MYO1E: variants seen among roughly 807,000 people sequenced by gnomAD.
MYO1E encodes the protein unconventional myosin-Ie.
In MYO1E, 68 loss-of-function variants were observed where a neutral mutation model predicts 151.1. That is an observed-to-expected ratio of 0.45 (90% CI 0.37 to 0.55). The LOEUF is 0.55. MYO1E is among the 20% of genes least tolerant of loss of function. The pLI, the probability that MYO1E is intolerant of heterozygous loss-of-function variation, is 0.00. For missense variants in MYO1E, 1,363 were observed against 1,389.3 expected (o/e 0.98, Z 0.30); for synonymous variants, 601 against 501.7 (o/e 1.20, Z -2.64).
In MYO1E at chr15:59,372,738, G is replaced by A. The variant is rs565532409; in HGVS notation, c.-238C>T. ...TAGCAGGCGGGGCGCATGCTGCGGA[G>A]GGCAAGAGTCCACTCGTACTCGCCG... On this transcript the variant is annotated 5_prime_UTR_variant, in exon 1 of 28. Transcript: ENST00000288235. 1.2e-4 allele frequency: 70 copies of A among 568,242 alleles called. No individual in the cohort carries two copies. Among genetic ancestry groups the A allele is most frequent in the Middle Eastern group, 4.7e-4 (1 of 2,144 alleles). The allele number at this position is 568,242 out of a possible 1,614,324, so 35.2% of individuals were successfully genotyped here.
intron 4 of MYO1E, among the ~76,000 whole-genome samples, chr15:59,252,714 CAA>C (rs35229671): frequency 6.0e-5 from 7 of 117,204 alleles, no homozygotes; most frequent in Non-Finnish European, 3.6e-5. Flanking sequence ...GACTCTGTCT[CAA>C]AAAAAAAAAA....
intron 1 of MYO1E, among the ~76,000 whole-genome samples, chr15:59,328,203 T>C (rs1486095959): frequency 6.6e-6 from 1 of 152,236 alleles, no homozygotes; most frequent in Admixed American, 6.5e-5. Flanking sequence ...ATGTGGCCTT[T>C]GCTCAAACCA....
rs144534895 is a variant in MYO1E, at chr15:59,193,593, T to C, written c.1805+1868A>G. Among the ~76,000 whole-genome samples, 417 of 152,240 alleles carry C rather than the reference T, an allele frequency of 2.7e-3. 2 individuals carry two copies. The highest frequency in any genetic ancestry group is 9.5e-3 in the African/African-American group (393 of 41,544). On this transcript the variant is annotated intron_variant, in intron 17 of 27. Coordinates refer to ENST00000288235, the MANE Select transcript of MYO1E (RefSeq NM_004998.4). ...GACGGAACTGAGAGGGATTAACCTG[T>C]AGAAGAGAAGATTCAAGAGAAACAC... is the stretch of plus-strand genomic sequence containing the variant.
intron 18 of MYO1E, among the ~76,000 whole-genome samples, chr15:59,183,677 T>C (rs2079678487): frequency 6.6e-6 from 1 of 152,254 alleles, no homozygotes; most frequent in Non-Finnish European, 1.5e-5. Context: ...CTTTGTGTTA[T>C]ATGAAATCCA....
chr15:59,305,685 C>T (rs188099359), intron 1 of MYO1E, among the ~76,000 whole-genome samples: 11 of 152,178 alleles, frequency 7.2e-5, no homozygotes, highest in Non-Finnish European at 1.0e-4. Context: ...AGAGGCTGAC[C>T]TGTGGCAGCA....
intron 1 of MYO1E, among the ~76,000 whole-genome samples, chr15:59,323,210 A>G (rs2080639620): frequency 6.6e-6 from 1 of 151,090 alleles, no homozygotes; most frequent in Admixed American, 6.6e-5. Flanking sequence ...TGAAATATCA[A>G]TGGCAACCAA....
At chr15:59,210,178 A>G (rs2079870097) in intron 13 of MYO1E, among the ~76,000 whole-genome samples, 1 of 152,120 alleles carries the variant, frequency 6.6e-6, no homozygotes, top group Non-Finnish European at 1.5e-5. Flanking sequence ...TGAATCAGTC[A>G]TTAAGGCTAA....
At chr15:59,372,462 G>T (rs2080953139) in intron 1 of MYO1E, 36 bp downstream of exon 1, 1 of 1,537,366 alleles carries the variant, frequency 6.5e-7, no homozygotes, top group South Asian at 1.2e-5. Context: ...CCCGTCCCCG[G>T]GTCCGGCGTC....
intron 1 of MYO1E, among the ~76,000 whole-genome samples, chr15:59,308,691 T>C (rs1377011170): frequency 7.9e-6 from 1 of 127,388 alleles, no homozygotes; most frequent in African/African-American, 2.9e-5. Flanking sequence ...AAAAAAAAAT[T>C]AGCTGGGCAT....
In MYO1E at chr15:59,216,666, G is replaced by GTACATATA. The variant is rs1555411937; in HGVS notation, c.1107+1224_1107+1225insTATATGTA. Among the ~76,000 whole-genome samples, 3 of 30,884 alleles carry GTACATATA rather than the reference G, an allele frequency of 9.7e-5. No individual in the cohort carries two copies. The Admixed American group carries it at 1.0e-3, about 11-fold the overall frequency. 20.3% of individuals were successfully genotyped at this position (30,884 alleles called of 152,430 possible). On this transcript the variant is annotated intron_variant, in intron 10 of 27. Coordinates refer to ENST00000288235, the MANE Select transcript of MYO1E (RefSeq NM_004998.4). ...CCAGTGTGTGTGTGTGTGTGTATGT[G>GTACATATA]TATATATATATATATATATACACAT...
chr15:59,323,775 T>C (rs1013374232), intron 1 of MYO1E, among the ~76,000 whole-genome samples: 1 of 151,924 alleles, frequency 6.6e-6, no homozygotes, highest in African/African-American at 2.4e-5. Context: ...GAGGAGGACC[T>C]GGAAGTTAAG....
At chr15:59,187,444 T>C (rs1256482612) in intron 18 of MYO1E, among the ~76,000 whole-genome samples, 1 of 152,160 alleles carries the variant, frequency 6.6e-6, no homozygotes, top group Non-Finnish European at 1.5e-5. Flanking sequence ...TTGGCAAGGA[T>C]TTAGATAAAT....
intron 1 of MYO1E, among the ~76,000 whole-genome samples, chr15:59,336,883 G>A (rs767663284): frequency 2.2e-4 from 33 of 151,968 alleles, no homozygotes; most frequent in Non-Finnish European, 4.1e-4. Context: ...TGAGAATGAC[G>A]GTTTCCAGCT....
At chr15:59,343,484 G>T (rs2080777044) in intron 1 of MYO1E, among the ~76,000 whole-genome samples, 1 of 152,008 alleles carries the variant, frequency 6.6e-6, no homozygotes, top group African/African-American at 2.4e-5. Context: ...ATGCCTTGAG[G>T]TAATTTCCTT....
chr15:59,249,194 C>T (rs555616782), intron 4 of MYO1E, among the ~76,000 whole-genome samples: 5 of 152,184 alleles, frequency 3.3e-5, no homozygotes, highest in South Asian at 4.2e-4. Flanking sequence ...GAGGCTGAGG[C>T]GGGTGGATCA....
In MYO1E at chr15:59,242,723, C is replaced by T. The variant is rs1299497640; in HGVS notation, c.333-6051G>A. Among the ~76,000 whole-genome samples the T allele has an allele frequency of 1.3e-5, 2 of 152,052 alleles. 1 individual carries two copies. Among genetic ancestry groups the T allele is most frequent in the Admixed American group, 1.3e-4 (2 of 15,270 alleles). On this transcript the variant is annotated intron_variant, in intron 4 of 27. Transcript: ENST00000288235. ...GAATATATCCCCACAAAATACACAT[C>T]CTAAAAGAAAATAAAATTAATTTAA... is the stretch of plus-strand genomic sequence containing the variant.
intron 1 of MYO1E, among the ~76,000 whole-genome samples, chr15:59,345,657 T>C (rs556273377): frequency 7.0e-4 from 107 of 152,286 alleles, no homozygotes; most frequent in Non-Finnish European, 1.4e-3. Flanking sequence ...GACAGGGAAA[T>C]GCAAAGAGAG....
intron 26 of MYO1E, among the ~76,000 whole-genome samples, chr15:59,140,581 G>A (rs2079403166): frequency 6.6e-6 from 1 of 152,228 alleles, no homozygotes; most frequent in South Asian, 2.1e-4. Flanking sequence ...CAGGAGCAAG[G>A]AGGAAAAGGG....
intron 1 of MYO1E, among the ~76,000 whole-genome samples, chr15:59,349,731 T>C (rs1305977342): frequency 1.3e-5 from 2 of 152,222 alleles, no homozygotes; most frequent in African/African-American, 2.4e-5. Flanking sequence ...ATATGAAAGT[T>C]TGAGGCTGAG....
Sources: allele counts gnomAD v4.1 joint callset (sites outside exome capture counted in the v4.1 genomes callset), GRCh38; gene constraint gnomAD v4.1.1; transcripts MANE v1.5; gene names NCBI Gene and HGNC (gene_info 2026-07-23, HGNC 2026-07-21).